CDH13: variants seen among roughly 807,000 people sequenced by gnomAD.
CDH13 encodes the protein cadherin-13.
A neutral mutation model predicts 63.8 loss-of-function variants in CDH13; 24 were observed. The observed-to-expected ratio is 0.38, with a 90% CI of 0.27 to 0.53. The LOEUF is 0.53. CDH13 is among the 20% of genes least tolerant of loss of function. The pLI, the probability that CDH13 is intolerant of heterozygous loss-of-function variation, is 0.85. For synonymous variants in CDH13, 503 were observed against 355.3 expected (o/e 1.42, Z -4.67); for missense variants, 1,049 against 903.1 (o/e 1.16, Z -2.07).
intron 6 of CDH13, among the ~76,000 whole-genome samples, chr16:83,460,165 T>G (rs2151522801): frequency 6.6e-6 from 1 of 152,356 alleles, no homozygotes; most frequent in East Asian, 1.9e-4. Flanking sequence ...CATTGGCCAT[T>G]GCTAAAATTC....
At chr16:82,859,152 T>C (rs2039825433) in intron 2 of CDH13, 1 of 152,252 alleles carries the variant, frequency 6.6e-6, no homozygotes, top group South Asian at 2.1e-4. Flanking sequence ...AAGTACAGTT[T>C]TAGTGCAATA....
At position 83,385,066 on chromosome 16, in the gene CDH13, T is replaced by C. The variant is rs542617771; in HGVS notation, c.781+40060T>C. ...GGCCCCTACTGTCTCTACATTTGTATGGAAAATGTAATGGGTCATGAAATT... is the reference window on the plus strand; with the variant it reads ...GGCCCCTACTGTCTCTACATTTGTACGGAAAATGTAATGGGTCATGAAATT... On this transcript the variant is annotated intron_variant, in intron 6 of 13. Transcript: ENST00000567109. Among the ~76,000 whole-genome samples the C allele has an allele frequency of 9.2e-5, 14 of 152,324 alleles. No individual in the cohort carries two copies. The South Asian group carries it at 2.9e-3, about 32-fold the overall frequency.
intron 8 of CDH13, among the ~76,000 whole-genome samples, chr16:83,650,472 C>A (rs561826841): frequency 6.6e-6 from 1 of 152,280 alleles, no homozygotes; most frequent in South Asian, 2.1e-4. Flanking sequence ...TGTGGGCTGC[C>A]GTACACAGGC....
chr16:82,697,010 T>C (rs2030381697), intron 1 of CDH13, among the ~76,000 whole-genome samples: 1 of 152,198 alleles, frequency 6.6e-6, no homozygotes, highest in East Asian at 1.9e-4. Flanking sequence ...CTTTCTCCTG[T>C]GTGAAATATC....
At chr16:82,975,598 G>A (rs994140460) in intron 2 of CDH13, among the ~76,000 whole-genome samples, 4 of 152,198 alleles carry the variant, frequency 2.6e-5, no homozygotes, top group African/African-American at 9.7e-5. Flanking sequence ...AATAATCATC[G>A]TAATGATACT....
At chr16:83,033,790 A>C (rs527384122) in intron 3 of CDH13, among the ~76,000 whole-genome samples, 2 of 152,194 alleles carry the variant, frequency 1.3e-5, no homozygotes, top group African/African-American at 4.8e-5. Flanking sequence ...TCGTGAGAAA[A>C]GGAGGGCAAG....
In CDH13 at chr16:82,627,122, C is replaced by T. The variant is rs760689646; in HGVS notation, c.30C>T (p.Cys10=). Residue 10 remains cysteine (C), a synonymous_variant, in exon 1 of 14, where the codon TGC becomes TGT. Coordinates refer to ENST00000567109, the MANE Select transcript of CDH13 (RefSeq NM_001257.5). ...AGCCGAGAACTCCGCTCGTTCTGTGCGTTCTCCTGTCCCAGGTAGGGAAGA... is the reference window on the plus strand; with the variant it reads ...AGCCGAGAACTCCGCTCGTTCTGTGTGTTCTCCTGTCCCAGGTAGGGAAGA... The part of the protein sequence containing the change: MQPRTPLVL[C]VLLSQVLLLT... 7.5e-6 allele frequency: 12 copies of T among 1,606,952 alleles called. No individual in the cohort carries two copies. The South Asian group carries it at 1.3e-4, about 18-fold the overall frequency.
chr16:82,674,060 T>G (rs1264055577), intron 1 of CDH13, among the ~76,000 whole-genome samples: 1 of 152,186 alleles, frequency 6.6e-6, no homozygotes, highest in Non-Finnish European at 1.5e-5. Flanking sequence ...GTCCTGTTGT[T>G]TGTGTTTTTC....
At chr16:83,246,888 C>T (rs1446719897) in intron 5 of CDH13, among the ~76,000 whole-genome samples, 2 of 152,192 alleles carry the variant, frequency 1.3e-5, no homozygotes, top group Admixed American at 1.3e-4. Context: ...ATCTTCTGTT[C>T]CTGCATGCTA....
At chr16:83,375,378 T>G (rs1325187532) in intron 6 of CDH13, among the ~76,000 whole-genome samples, 1 of 152,194 alleles carries the variant, frequency 6.6e-6, no homozygotes, top group Non-Finnish European at 1.5e-5. Flanking sequence ...GGGTCTGAAG[T>G]GTACAGTGAC....
At chr16:82,735,506 T>C (rs1435140689) in intron 1 of CDH13, among the ~76,000 whole-genome samples, 1 of 152,252 alleles carries the variant, frequency 6.6e-6, no homozygotes, top group African/African-American at 2.4e-5. Context: ...CTGCTAAAGC[T>C]ACATGAGTGG....
At chr16:83,211,165 G>T (rs2039328322) in intron 4 of CDH13, among the ~76,000 whole-genome samples, 1 of 150,936 alleles carries the variant, frequency 6.6e-6, no homozygotes, top group African/African-American at 2.4e-5. Flanking sequence ...AAAAAAAAAG[G>T]TACTAGAAAA....
intron 2 of CDH13, among the ~76,000 whole-genome samples, chr16:83,005,404 A>G (rs762680073): frequency 6.6e-6 from 1 of 152,160 alleles, no homozygotes; most frequent in Non-Finnish European, 1.5e-5. Context: ...TGGGCATACT[A>G]AAGTACCAAG....
intron 1 of CDH13, among the ~76,000 whole-genome samples, chr16:82,719,626 A>G (rs1373402862): frequency 6.6e-6 from 1 of 152,086 alleles, no homozygotes; most frequent in Non-Finnish European, 1.5e-5. Flanking sequence ...TGGGTGGATC[A>G]CCTGAGGTCA....
chr16:82,904,517 C>T lies in CDH13; in HGVS notation c.157+46044C>T, dbSNP rs150565559. ...ACGGGGGAAAACTATTAGGTTGGGGCGAAAGTAATTTCTGTTTCTGCCATT... is the reference window on the plus strand; with the variant it reads ...ACGGGGGAAAACTATTAGGTTGGGGTGAAAGTAATTTCTGTTTCTGCCATT... On this transcript the variant is annotated intron_variant, in intron 2 of 13. Transcript: ENST00000567109. Among the ~76,000 whole-genome samples the T allele has an allele frequency of 5.8e-4, 89 of 152,226 alleles. No homozygotes were observed. The East Asian group carries it at 0.013, about 22-fold the overall frequency.
chr16:82,990,148 A>G (rs1045032134), intron 2 of CDH13: 2 of 151,954 alleles, frequency 1.3e-5, no homozygotes, highest in African/African-American at 4.8e-5. Flanking sequence ...TCCAACCCCA[A>G]TCTGTTGCGT....
chr16:83,056,391 A>G (rs941717836), intron 3 of CDH13, among the ~76,000 whole-genome samples: 10 of 152,160 alleles, frequency 6.6e-5, no homozygotes, highest in Admixed American at 2.0e-4. Context: ...AACTGGAAAC[A>G]ACTCAAAAGT....
intron 7 of CDH13, among the ~76,000 whole-genome samples, chr16:83,583,792 C>T (rs535411362): frequency 4.6e-5 from 7 of 152,078 alleles, no homozygotes; most frequent in African/African-American, 1.7e-4. Context: ...TGGCATGAGC[C>T]TCTAGACCTA....
At chr16:83,095,991 C>T (rs966413500) in intron 3 of CDH13, among the ~76,000 whole-genome samples, 1 of 152,106 alleles carries the variant, frequency 6.6e-6, no homozygotes, top group Non-Finnish European at 1.5e-5. Flanking sequence ...AAAGGTTGAA[C>T]ATGTCTTTAG....
Sources: allele counts gnomAD v4.1 joint callset (sites outside exome capture counted in the v4.1 genomes callset), GRCh38; gene constraint gnomAD v4.1.1; transcripts MANE v1.5; gene names NCBI Gene and HGNC (gene_info 2026-07-23, HGNC 2026-07-21).